The following PCDHA4 variants were observed in gnomAD, a reference collection of about 807,000 sequenced individuals.
PCDHA4 encodes protocadherin alpha 4.
PCDHA4 carries 49 observed loss-of-function variants against 61.4 expected under a neutral mutation model. The ratio of observed to expected loss-of-function variants is 0.80; its 90% CI spans 0.63 to 1.01. The LOEUF is 1.01. Ranked by LOEUF, PCDHA4 falls within the 50% of genes least tolerant of loss-of-function variation. The pLI is 0.00. For synonymous variants in PCDHA4, 590 were observed against 550.3 expected, an observed-to-expected ratio of 1.07 and a Z score of -1.01; for missense variants, 1,254 against 1,235.8, an observed-to-expected ratio of 1.01 and a Z score of -0.22.
chr5:140,877,582 A>G, intron 1 of PCDHA4: 1 of 1,613,772 alleles, frequency 6.2e-7, no homozygotes, highest in East Asian at 2.2e-5. Context: ...CATCATCGCC[A>G]TCTGTGCGGT....
intron 3 of PCDHA4, among the ~76,000 whole-genome samples, chr5:141,002,467 G>A (rs1266754067): frequency 6.6e-6 from 1 of 152,202 alleles, no homozygotes; most frequent in African/African-American, 2.4e-5. Context: ...TAACGCTTTA[G>A]CATTTTCAAA....
Position 140,879,462 on chromosome 5 carries a change from G to A in PCDHA4, c.2385+69890G>A, listed in dbSNP as rs927340529. 2.0e-5 allele frequency among the ~76,000 whole-genome samples: 3 copies of A among 152,180 alleles called. No individual in the cohort carries two copies. The South Asian group carries it at 6.2e-4, about 32-fold the overall frequency. ...AAAATGTTACTTTGAAGTCCTAAGAGAATACCGTTGTGATTGGAAATATGG... is the reference window on the plus strand; with the variant it reads ...AAAATGTTACTTTGAAGTCCTAAGAAAATACCGTTGTGATTGGAAATATGG... On this transcript the variant is annotated intron_variant, in intron 1 of 3. Coordinates refer to ENST00000530339, the MANE Select transcript of PCDHA4 (RefSeq NM_018907.4).
At chr5:140,969,385 C>A in intron 1 of PCDHA4, 1 of 1,598,120 alleles carries the variant, frequency 6.3e-7, no homozygotes, top group East Asian at 2.2e-5. Context: ...TTACACATCC[C>A]CCAATATCCT....
intron 1 of PCDHA4, among the ~76,000 whole-genome samples, chr5:140,939,732 G>C (rs2092446551): frequency 6.6e-6 from 1 of 152,168 alleles, no homozygotes; most frequent in African/African-American, 2.4e-5. Context: ...GTTGTGTGTA[G>C]CTGTGTATCA....
intron 1 of PCDHA4, chr5:140,842,295 A>T (rs2150333615): frequency 2.5e-6 from 4 of 1,610,380 alleles, no homozygotes; most frequent in Non-Finnish European, 3.4e-6. Flanking sequence ...GCCACGGACA[A>T]AGGCCATCCT....
chr5:140,879,805 A>G (rs992856039), intron 1 of PCDHA4, among the ~76,000 whole-genome samples: 1 of 152,128 alleles, frequency 6.6e-6, no homozygotes, highest in Non-Finnish European at 1.5e-5. Flanking sequence ...TCCAGTTTCT[A>G]TTGGCTGTTG....
At chr5:140,850,541 G>A (rs1554144490) in intron 1 of PCDHA4, 2 of 1,598,272 alleles carry the variant, frequency 1.3e-6, no homozygotes, top group Non-Finnish European at 1.7e-6. Flanking sequence ...CGTCGCGGGC[G>A]TCAGTGGGTG....
chr5:140,869,504 C>G (rs959374162), intron 1 of PCDHA4: 1 of 1,614,200 alleles, frequency 6.2e-7, no homozygotes, highest in Admixed American at 1.7e-5. Context: ...CCGGTGTTCT[C>G]GCTCAGAGAA....
intron 1 of PCDHA4, chr5:140,927,000 A>G (rs1554203899): frequency 1.2e-6 from 2 of 1,612,352 alleles, no homozygotes; most frequent in Non-Finnish European, 1.7e-6. Flanking sequence ...GCGTAGCCGT[A>G]GGCAATCTCT....
chr5:140,870,082 C>A lies in PCDHA4; in HGVS notation c.2385+60510C>A, dbSNP rs1326686779. 1.9e-6 allele frequency: 3 copies of A among 1,613,708 alleles called. No individual in the cohort carries two copies. In the Admixed American group the frequency reaches 5.0e-5, roughly 27 times the overall value. ...AGTACAGGCTACAGATAAGGGGACT[C>A]CCCCAATGGCAGGTCACTGTACAGT... On this transcript the variant is annotated intron_variant, in intron 1 of 3. Transcript: ENST00000530339.
intron 1 of PCDHA4, among the ~76,000 whole-genome samples, chr5:140,964,979 G>A (rs1325298604): frequency 1.3e-5 from 2 of 152,204 alleles, no homozygotes; most frequent in African/African-American, 4.8e-5. Flanking sequence ...GGATGTGCTA[G>A]TTCAGGCCTT....
Position 140,895,882 on chromosome 5 carries a change from G to C in PCDHA4, c.2386-83067G>C, listed in dbSNP as rs1014874596. Among the ~76,000 whole-genome samples the C allele has an allele frequency of 5.3e-5, 8 of 152,250 alleles. No individual in the cohort carries two copies. The East Asian group carries it at 9.6e-4, about 18-fold the overall frequency. On this transcript the variant is annotated intron_variant, in intron 1 of 3. Coordinates refer to ENST00000530339, the MANE Select transcript of PCDHA4 (RefSeq NM_018907.4). ...GCTGGAGTGCAATGGCGCGATCTCGGCTCACTGCAACCTCCGCGTCCCGGG... is the reference window on the plus strand; with the variant it reads ...GCTGGAGTGCAATGGCGCGATCTCGCCTCACTGCAACCTCCGCGTCCCGGG...
intron 1 of PCDHA4, among the ~76,000 whole-genome samples, chr5:140,847,068 T>C (rs1780845671): frequency 6.7e-6 from 1 of 149,654 alleles, no homozygotes; most frequent in South Asian, 2.1e-4. Context: ...AGCATCAATA[T>C]GACAAGTAGA....
chr5:140,834,570 C>T, intron 1 of PCDHA4: 1 of 1,614,086 alleles, frequency 6.2e-7, no homozygotes, highest in Non-Finnish European at 8.5e-7. Flanking sequence ...GGTGCCGCGC[C>T]TGTTCCGGGC....
intron 1 of PCDHA4, chr5:140,875,857 A>C: frequency 6.2e-7 from 1 of 1,614,124 alleles, no homozygotes; most frequent in Non-Finnish European, 8.5e-7. Context: ...CATTAACGAC[A>C]ACCCGCCGGT....
At chr5:140,877,500 A>G (rs781878840) in intron 1 of PCDHA4, 80 of 1,613,694 alleles carry the variant, frequency 5.0e-5, no homozygotes, top group Non-Finnish European at 6.6e-5. Flanking sequence ...GCCAGGCCCC[A>G]AAGACGTCGT....
At chr5:140,834,553 C>T (rs2150220861) in intron 1 of PCDHA4, 19 of 1,614,022 alleles carry the variant, frequency 1.2e-5, no homozygotes, top group Non-Finnish European at 1.6e-5. Flanking sequence ...CTGGAGCTGG[C>T]GGAGCTGGTG....
chr5:140,835,947 C>T, intron 1 of PCDHA4: 1 of 1,612,740 alleles, frequency 6.2e-7, no homozygotes, highest in Non-Finnish European at 8.5e-7. Context: ...CGCGCTGCAG[C>T]CGTTGGACCA....
At chr5:140,987,990 C>T (rs57614084) in intron 3 of PCDHA4, among the ~76,000 whole-genome samples, 1 of 152,190 alleles carries the variant, frequency 6.6e-6, no homozygotes, top group African/African-American at 2.4e-5. Context: ...GACTCCATCT[C>T]TGATCCTTCC....
Sources: gnomAD v4.1 joint callset for allele counts (sites outside exome capture counted in the v4.1 genomes callset) on GRCh38, gnomAD v4.1.1 for gene constraint, MANE v1.5 for transcripts, NCBI Gene and HGNC (gene_info 2026-07-23, HGNC 2026-07-21) for gene names.